SNRNP40: variants seen among roughly 807,000 people sequenced by gnomAD.
SNRNP40 encodes U5 small nuclear ribonucleoprotein 40 kDa protein.
Under a neutral mutation model 45.8 loss-of-function variants are expected in SNRNP40, and 21 were observed. That is an observed-to-expected ratio of 0.46 (90% CI 0.32 to 0.66). The LOEUF is 0.66. Among genes scored for constraint, SNRNP40 ranks in the 30% least tolerant of loss-of-function variants. The pLI, the probability that SNRNP40 is intolerant of heterozygous loss-of-function variation, is 0.03. For synonymous variants in SNRNP40, 142 were observed against 163.8 expected (o/e 0.87, Z 1.01); for missense variants, 344 against 439.1 (o/e 0.78, Z 1.94).
chr1:31,284,283 G>C (rs1397061651), intron 4 of SNRNP40, among the ~76,000 whole-genome samples: 1 of 152,172 alleles, frequency 6.6e-6, no homozygotes, highest in Non-Finnish European at 1.5e-5. Context: ...TGGATAGCTG[G>C]GATTACAGGC....
chr1:31,268,059 T>TA (rs1246506439), intron 7 of SNRNP40, 127 bp from the exon 8 acceptor site: 8 of 607,948 alleles, frequency 1.3e-5, no homozygotes, highest in Non-Finnish European at 2.3e-5. Flanking sequence ...AGATGGTCTG[T>TA]AATTATCTTA....
In SNRNP40 at chr1:31,296,783, G is replaced by T; in HGVS notation, c.-32C>A. ...AACCGGTCTCTTCAGCGCCGCCACT[G>T]ACCGCGCTGCCGCTCTCAGGCGCCA... On this transcript the variant is annotated 5_prime_UTR_variant, in exon 1 of 10. Coordinates refer to ENST00000263694, the MANE Select transcript of SNRNP40 (RefSeq NM_004814.3). The T allele has an allele frequency of 3.9e-6, 6 of 1,551,752 alleles. No individual in the cohort carries two copies. Among genetic ancestry groups the T allele is most frequent in the Non-Finnish European group, 5.2e-6 (6 of 1,149,098 alleles).
At chr1:31,262,534 A>C (rs1056784439) in intron 8 of SNRNP40, among the ~76,000 whole-genome samples, 2 of 99,830 alleles carry the variant, frequency 2.0e-5, no homozygotes, top group Non-Finnish European at 5.1e-5. Context: ...AAAAAAAAAA[A>C]AAAAAAAAAA....
chr1:31,270,106 T>G (rs1450891055), intron 6 of SNRNP40, among the ~76,000 whole-genome samples: 1 of 152,148 alleles, frequency 6.6e-6, no homozygotes, highest in Non-Finnish European at 1.5e-5. Flanking sequence ...TTTCACCACA[T>G]TGGCCAGGCT....
chr1:31,293,145 G>A, intron 2 of SNRNP40, 74 bp downstream of exon 2: 1 of 1,529,626 alleles, frequency 6.5e-7, no homozygotes, highest in East Asian at 2.3e-5. Flanking sequence ...TACCTTCTGT[G>A]GCACCCAAGA....
intron 3 of SNRNP40, among the ~76,000 whole-genome samples, chr1:31,289,756 T>C (rs1402535497): frequency 6.6e-6 from 1 of 152,252 alleles, no homozygotes; most frequent in Non-Finnish European, 1.5e-5. Context: ...TTGGAAATGT[T>C]TAATAACTCC....
intron 5 of SNRNP40, among the ~76,000 whole-genome samples, chr1:31,273,716 T>G (rs1238915963): frequency 6.6e-6 from 1 of 152,046 alleles, no homozygotes; most frequent in African/African-American, 2.4e-5. Context: ...ATGAAAAATC[T>G]GGGCATCTGA....
At chr1:31,271,321 G>A (rs3737755) in intron 6 of SNRNP40, 58 bp downstream of exon 6, 879,176 of 1,548,640 alleles carry the variant, frequency 0.57, 265,415 homozygotes, top group Non-Finnish European at 0.63. Context: ...GATGGAATCT[G>A]TGAGCAATCT....
intron 4 of SNRNP40, among the ~76,000 whole-genome samples, chr1:31,288,667 C>CTTTCTTTT (rs36074142): frequency 1.7e-5 from 2 of 117,180 alleles, no homozygotes; most frequent in African/African-American, 3.5e-5. Flanking sequence ...TCAGAACAGC[C>CTTTCTTTT]TTTTTTTTTT....
At chr1:31,291,755 A>G (rs1463121858) in intron 3 of SNRNP40, among the ~76,000 whole-genome samples, 158 bp downstream of exon 3, 1 of 152,258 alleles carries the variant, frequency 6.6e-6, no homozygotes, top group East Asian at 1.9e-4. Context: ...CACAGACTAT[A>G]AACACCTCAC....
chr1:31,273,894 G>T (rs1645955693), intron 5 of SNRNP40, among the ~76,000 whole-genome samples: 1 of 152,170 alleles, frequency 6.6e-6, no homozygotes, highest in Non-Finnish European at 1.5e-5. Flanking sequence ...AGAGATGAGA[G>T]TGAGAAAGGG....
At chr1:31,278,853 G>A (rs1569654329) in intron 5 of SNRNP40, among the ~76,000 whole-genome samples, 1 of 152,092 alleles carries the variant, frequency 6.6e-6, no homozygotes, top group Non-Finnish European at 1.5e-5. Flanking sequence ...TGTACACAGC[G>A]AGAAAAGCAA....
rs555169598 is a variant in SNRNP40 at position 31,268,784 on chromosome 1, C to A, written c.858+374G>T. 2.3e-3 allele frequency among the ~76,000 whole-genome samples: 356 copies of A among 152,236 alleles called. 1 individual carries two copies. The highest frequency in any genetic ancestry group is 4.1e-3 in the Non-Finnish European group (280 of 68,018). On this transcript the variant is annotated intron_variant, in intron 7 of 9. Transcript: ENST00000263694. ...CTTAGGGTTCTAACACACATGGTCA[C>A]GGGATGCGGAGGCAGGTAGGGAGAC... is the stretch of plus-strand genomic sequence containing the variant.
chr1:31,288,456 G>A (rs1360028837), intron 4 of SNRNP40, among the ~76,000 whole-genome samples: 2 of 152,140 alleles, frequency 1.3e-5, no homozygotes, highest in African/African-American at 4.8e-5. Flanking sequence ...TGGCTACACT[G>A]AATCACTTGA....
At chr1:31,270,813 T>C (rs761700112) in intron 6 of SNRNP40, among the ~76,000 whole-genome samples, 3 of 152,186 alleles carry the variant, frequency 2.0e-5, no homozygotes, top group Non-Finnish European at 4.4e-5. Flanking sequence ...ATTAAGCATA[T>C]AATCCAGCAA....
Position 31,285,430 on chromosome 1 carries a change from G to A in SNRNP40, c.531+3824C>T, listed in dbSNP as rs146539466. Among the ~76,000 whole-genome samples, 345 of 152,028 alleles carry A rather than the reference G, an allele frequency of 2.3e-3. 4 individuals carry two copies. Among genetic ancestry groups the A allele is most frequent in the African/African-American group, 8.1e-3 (335 of 41,488 alleles). On this transcript the variant is annotated intron_variant, in intron 4 of 9. Transcript: ENST00000263694. ...TTTTTTGTATTTTTAGTAGAGACAGGGTTTCTTCAAGTTGGCCAGGCTGGT... is the reference window on the plus strand; with the variant it reads ...TTTTTTGTATTTTTAGTAGAGACAGAGTTTCTTCAAGTTGGCCAGGCTGGT...
At chr1:31,274,331 G>A (rs1029409349) in intron 5 of SNRNP40, among the ~76,000 whole-genome samples, 5 of 152,036 alleles carry the variant, frequency 3.3e-5, no homozygotes, top group Non-Finnish European at 7.4e-5. Context: ...CTGCCTCCCG[G>A]GTTCAAGTGA....
intron 4 of SNRNP40, chr1:31,282,518 T>TCTAC (rs1316360876): frequency 5.3e-4 from 76 of 144,626 alleles, no homozygotes; most frequent in Admixed American, 4.4e-3. Flanking sequence ...TATCTATCTA[T>TCTAC]CTATCTAATC....
chr1:31,294,231 T>A (rs1377620831), intron 1 of SNRNP40, among the ~76,000 whole-genome samples: 1 of 152,234 alleles, frequency 6.6e-6, no homozygotes, highest in African/African-American at 2.4e-5. Context: ...GTGCTGGGAT[T>A]ATAGGCATGA....
Sources: gnomAD v4.1 joint callset for allele counts (sites outside exome capture counted in the v4.1 genomes callset) on GRCh38, gnomAD v4.1.1 for gene constraint, MANE v1.5 for transcripts, NCBI Gene and HGNC (gene_info 2026-07-23, HGNC 2026-07-21) for gene names.